The following MTRR variants were observed in gnomAD, a reference collection of about 807,000 sequenced individuals.
The protein encoded by MTRR is 5-methyltetrahydrofolate-homocysteine methyltransferase reductase.
In MTRR, 63 loss-of-function variants were observed where a neutral mutation model predicts 79.2. That is an observed-to-expected ratio of 0.80 (90% CI 0.65 to 0.98). MTRR has a LOEUF of 0.98. MTRR is among the 50% of genes least tolerant of loss of function. The pLI is 0.00. For missense variants in MTRR, 895 were observed against 839.6 expected (o/e 1.07, Z -0.82); for synonymous variants, 355 against 313.3 (o/e 1.13, Z -1.41).
rs766581986 is a variant in MTRR, at chr5:7,900,048, T to C, written c.2087T>C (p.Ile696Thr). Residue 696 changes from isoleucine (I) to threonine (T), a missense_variant, in exon 15 of 15, where the codon ATT (isoleucine) becomes ACT (threonine). Coordinates refer to ENST00000440940, the MANE Select transcript of MTRR (RefSeq NM_002454.3). The part of the protein sequence containing the change: ...LKEEKRYLQD[I>T]WS ...GAAGAAAAACGCTACCTTCAGGATATTTGGTCATAAAACCAGAAATTAAAG... is the reference window on the plus strand; with the variant it reads ...GAAGAAAAACGCTACCTTCAGGATACTTGGTCATAAAACCAGAAATTAAAG... The C allele has an allele frequency of 6.2e-7, 1 of 1,613,368 alleles. No homozygotes were observed. Among genetic ancestry groups the C allele is most frequent in the South Asian group, 1.1e-5 (1 of 90,716 alleles).
chr5:7,856,652 T>A (rs560964359), intron 1 of MTRR: 1 of 152,222 alleles, frequency 6.6e-6, no homozygotes, highest in African/African-American at 2.4e-5. Flanking sequence ...ACATTCCCAA[T>A]TTGGGAGATC....
chr5:7,855,431 A>AG (rs397811858), intron 1 of MTRR, among the ~76,000 whole-genome samples: 3 of 149,148 alleles, frequency 2.0e-5, no homozygotes, highest in East Asian at 1.9e-4. Flanking sequence ...AAAAAAAAAA[A>AG]AGAAAAAGTT....
intron 12 of MTRR, 141 bp from the exon 13 acceptor site, chr5:7,896,723 C>A: frequency 4.1e-6 from 3 of 737,604 alleles, no homozygotes; most frequent in Non-Finnish European, 7.1e-6. Flanking sequence ...GAGTAAAATG[C>A]TAATTAAATG....
At chr5:7,897,701 G>A (rs753087388) in intron 14 of MTRR, among the ~76,000 whole-genome samples, 2 of 152,200 alleles carry the variant, frequency 1.3e-5, no homozygotes, top group Non-Finnish European at 2.9e-5. Flanking sequence ...TGGTGATAAA[G>A]TTGAAACGTT....
chr5:7,899,893 T>C (rs769108271), intron 14 of MTRR, 21 bp from the exon 15 acceptor site: 2 of 1,614,130 alleles, frequency 1.2e-6, no homozygotes. Context: ...TAAGCAGTCA[T>C]CTTATTATTT....
At position 7,889,123 on chromosome 5, in the gene MTRR, C is replaced by T. The variant is rs759466209; in HGVS notation, c.1175C>T (p.Thr392Ile). 1.2e-6 allele frequency: 2 copies of T among 1,614,122 alleles called. No homozygotes were observed. The highest frequency in any genetic ancestry group is 1.3e-5 in the African/African-American group (1 of 75,036). ...TTTTTGCGAGCCCTTGTGGACTATA[C>T]CAGTGACAGTGCTGAAAAGCGCAGG... ...KAFLRALVDY[T>I]SDSAEKRRLQ... Residue 392 changes from threonine to isoleucine, a missense_variant, in exon 9 of 15, where the codon ACC (threonine) becomes ATC (isoleucine). Physicochemically the swap from Thr to Ile is moderately conservative, Grantham distance 89. Coordinates refer to ENST00000440940, the MANE Select transcript of MTRR (RefSeq NM_002454.3).
chr5:7,895,804 T>G lies in MTRR; in HGVS notation c.1628T>G (p.Val543Gly), dbSNP rs776462257. Residue 543 changes from valine (V) to glycine (G), a missense_variant, in exon 12 of 15, where the codon GTG (valine) becomes GGG (glycine). Coordinates refer to ENST00000440940, the MANE Select transcript of MTRR (RefSeq NM_002454.3). ...GACCCCTCAATCCCCATCATAATGG[T>G]GGGTCCAGGAACCGGCATAGCCCCG... ...PDDPSIPIIM[V>G]GPGTGIAPFI... 1 of 1,614,138 alleles carries G rather than the reference T, an allele frequency of 6.2e-7. No homozygotes were observed. The highest frequency in any genetic ancestry group is 8.5e-7 in the Non-Finnish European group (1 of 1,179,984).
intron 7 of MTRR, among the ~76,000 whole-genome samples, 198 bp downstream of exon 7, chr5:7,886,052 T>A (rs548341793): frequency 6.6e-6 from 1 of 152,316 alleles, no homozygotes; most frequent in South Asian, 2.1e-4. Context: ...TTGCACTGAA[T>A]AAGAAGATAA....
intron 5 of MTRR, among the ~76,000 whole-genome samples, chr5:7,879,647 A>G (rs1735249030): frequency 6.6e-6 from 1 of 152,162 alleles, no homozygotes; most frequent in Admixed American, 6.5e-5. Context: ...AATGTTTTGT[A>G]GGGCATCCTC....
chr5:7,900,230 A>AT lies in MTRR; in HGVS notation c.*176dup. 1.3e-6 allele frequency: 1 copy of AT among 745,456 alleles called. No homozygotes were observed. The highest frequency in any genetic ancestry group is 1.9e-5 in the South Asian group (1 of 52,396). 46.2% of individuals were successfully genotyped at this position (745,456 alleles called of 1,614,324 possible). A position where few individuals can be genotyped will look rare whatever the true frequency, so the allele number is the denominator to read the frequency against. On this transcript the variant is annotated 3_prime_UTR_variant, in exon 15 of 15. Coordinates refer to ENST00000440940, the MANE Select transcript of MTRR (RefSeq NM_002454.3). The stretch of plus-strand genomic sequence containing the variant: ...CAATATAACAAAACTTCCTGATTTG[A>AT]TTTTACGTATCTTCTATCTACGCCC...
chr5:7,865,453 G>A (rs191844292), upstream of MTRR, among the ~76,000 whole-genome samples: 44 of 152,224 alleles, frequency 2.9e-4, no homozygotes, highest in Non-Finnish European at 3.8e-4. Context: ...TGGGAAGAGC[G>A]AACTCTAGAT....
intron 1 of MTRR, among the ~76,000 whole-genome samples, chr5:7,853,552 C>T (rs1289907821): frequency 1.3e-5 from 2 of 152,260 alleles, no homozygotes; most frequent in Non-Finnish European, 2.9e-5. Context: ...TTCCAGGGAA[C>T]AGGAGAGAGG....
chr5:7,883,013 C>T, intron 5 of MTRR, 142 bp from the exon 6 acceptor site: 1 of 994,736 alleles, frequency 1.0e-6, no homozygotes, highest in Non-Finnish European at 1.6e-6. Flanking sequence ...CTCCATATAT[C>T]TGCCCTCATT....
In MTRR at chr5:7,873,481, A is replaced by G. The variant is rs1561157626; in HGVS notation, c.238A>G (p.Thr80Ala). ...GTTTGTTAAGGAAATACAGAACCAA[A>G]CACTGCCGGTTGATTTCTTTGCTCA... ...RKFVKEIQNQ[T>A]LPVDFFAHLR... Residue 80 changes from threonine (T) to alanine (A), a missense_variant, in exon 3 of 15, where the codon ACA (threonine) becomes GCA (alanine). Transcript: ENST00000440940. 1.9e-6 allele frequency: 3 copies of G among 1,614,164 alleles called. No individual in the cohort carries two copies. The highest frequency in any genetic ancestry group is 2.5e-6 in the Non-Finnish European group (3 of 1,180,026).
At position 7,894,825 on chromosome 5, in the gene MTRR, G is replaced by T. The variant is rs143733285; in HGVS notation, c.1558-909G>T. On this transcript the variant is annotated intron_variant, in intron 11 of 14. Coordinates refer to ENST00000440940, the MANE Select transcript of MTRR (RefSeq NM_002454.3). ...TAAGTTCCGTAAAGACAGGGGCGTT[G>T]TTTTGTTCATTTCTGTATCCTTAAT... 1.7e-3 allele frequency among the ~76,000 whole-genome samples: 262 copies of T among 152,310 alleles called. 2 individuals carry two copies. The highest frequency in any genetic ancestry group is 6.0e-3 in the African/African-American group (249 of 41,570).
At chr5:7,875,559 C>T (rs947105609) in intron 4 of MTRR, among the ~76,000 whole-genome samples, 184 bp downstream of exon 4, 7 of 152,162 alleles carry the variant, frequency 4.6e-5, no homozygotes, top group Non-Finnish European at 7.4e-5. Context: ...TGCTGATTTT[C>T]TTTTGTGTCC....
intron 5 of MTRR, among the ~76,000 whole-genome samples, chr5:7,880,029 G>A (rs1331697135): frequency 6.6e-6 from 1 of 152,240 alleles, no homozygotes; most frequent in Non-Finnish European, 1.5e-5. Context: ...TAGAAGTGAG[G>A]TACAAGGTGC....
chr5:7,893,567 G>T (rs1738005315), intron 11 of MTRR: 1 of 152,638 alleles, frequency 6.6e-6, no homozygotes, highest in Non-Finnish European at 1.5e-5. Flanking sequence ...ACGGCACTCA[G>T]CAGAATTTCG....
Position 7,897,164 on chromosome 5 carries a change from G to A in MTRR, c.1869G>A (p.Lys623=), listed in dbSNP as rs768364684. 7 of 1,614,152 alleles carry A rather than the reference G, an allele frequency of 4.3e-6. No homozygotes were observed. In the South Asian group the frequency reaches 4.4e-5, roughly 10 times the overall value. ...APVGEEEAPA[K]YVQDNIQLHG... ...TTGGGGAGGAGGAAGCCCCAGCAAAGTATGTGCAAGACAACATCCAGCTTC... is the reference window on the plus strand; with the variant it reads ...TTGGGGAGGAGGAAGCCCCAGCAAAATATGTGCAAGACAACATCCAGCTTC... Residue 623 remains lysine, a synonymous_variant, in exon 14 of 15, where the codon AAG becomes AAA. Coordinates refer to ENST00000440940, the MANE Select transcript of MTRR (RefSeq NM_002454.3).
Sources: gnomAD v4.1 joint callset for allele counts (sites outside exome capture counted in the v4.1 genomes callset) on GRCh38, gnomAD v4.1.1 for gene constraint, MANE v1.5 for transcripts, NCBI Gene and HGNC (gene_info 2026-07-23, HGNC 2026-07-21) for gene names.